The following FOXP1 variants were observed in gnomAD, a reference collection of about 807,000 sequenced individuals.
FOXP1 encodes the protein forkhead box P1, also known as forkhead box protein P1.
A neutral mutation model predicts 98.2 loss-of-function variants in FOXP1; 15 were observed. That is an observed-to-expected ratio of 0.15 (90% CI 0.10 to 0.24). FOXP1 has a LOEUF of 0.24. FOXP1 is among the 10% of genes least tolerant of loss of function. The pLI, the probability that FOXP1 is intolerant of heterozygous loss-of-function variation, is 1.00. For missense variants in FOXP1, 633 were observed against 848.5 expected, an observed-to-expected ratio of 0.75 and a Z score of 3.15; for synonymous variants, 371 against 314.5, an observed-to-expected ratio of 1.18 and a Z score of -1.90.
At chr3:71,258,101 G>C (rs1345646348) in intron 5 of FOXP1, among the ~76,000 whole-genome samples, 2 of 152,124 alleles carry the variant, frequency 1.3e-5, no homozygotes, top group African/African-American at 4.8e-5. Flanking sequence ...AATTAAATAG[G>C]TTCTTACCTT....
At chr3:70,971,724 G>T in intron 18 of FOXP1, 1 of 286,014 alleles carries the variant, frequency 3.5e-6, no homozygotes, top group Non-Finnish European at 6.4e-6. Flanking sequence ...TGGGGAGAGA[G>T]GGGGGATTAT....
chr3:71,573,078 A>G (rs1308156138), intron 2 of FOXP1, among the ~76,000 whole-genome samples: 2 of 152,196 alleles, frequency 1.3e-5, no homozygotes, highest in African/African-American at 4.8e-5. Flanking sequence ...GGATTACCTT[A>G]TATTTAAAGA....
intron 6 of FOXP1, among the ~76,000 whole-genome samples, chr3:71,194,583 T>C (rs957693172): frequency 7.9e-5 from 3 of 37,750 alleles, no homozygotes; most frequent in African/African-American, 3.3e-4. Context: ...TTTAAAATCC[T>C]TTCTTTAAGG....
intron 6 of FOXP1, among the ~76,000 whole-genome samples, chr3:71,153,177 G>A (rs957689799): frequency 2.6e-5 from 4 of 152,216 alleles, no homozygotes; most frequent in East Asian, 1.9e-4. Context: ...TGGTGAAGGC[G>A]CCTCCCACAC....
At chr3:71,571,836 C>T (rs948217427) in intron 2 of FOXP1, 3 of 152,178 alleles carry the variant, frequency 2.0e-5, no homozygotes, top group Non-Finnish European at 4.4e-5. Flanking sequence ...CTCGCATCAT[C>T]GATTCTTTTG....
chr3:71,310,974 C>T (rs753212642), intron 4 of FOXP1, among the ~76,000 whole-genome samples: 1 of 152,190 alleles, frequency 6.6e-6, no homozygotes, highest in Non-Finnish European at 1.5e-5. Context: ...GTTTAGGCAA[C>T]AGATAAGTCG....
chr3:71,001,597 G>T (rs2042133815), intron 12 of FOXP1, among the ~76,000 whole-genome samples: 1 of 152,120 alleles, frequency 6.6e-6, no homozygotes, highest in Non-Finnish European at 1.5e-5. Flanking sequence ...ATGGTGGGGG[G>T]TGGGGGAGAG....
At chr3:71,113,757 T>TAAAATAAAATAAAAG (rs1237178658) in intron 6 of FOXP1, among the ~76,000 whole-genome samples, 1 of 150,384 alleles carries the variant, frequency 6.6e-6, no homozygotes. Context: ...TAAAATAAAA[T>TAAAATAAAATAAAAG]AAAAGGTCAA....
At chr3:71,384,927 G>T (rs2080454892) in intron 3 of FOXP1, among the ~76,000 whole-genome samples, 1 of 152,056 alleles carries the variant, frequency 6.6e-6, no homozygotes, top group Non-Finnish European at 1.5e-5. Flanking sequence ...TATCTTGAAA[G>T]AAAAAGAAAC....
At chr3:71,463,048 T>C (rs999115530) in intron 3 of FOXP1, among the ~76,000 whole-genome samples, 25 of 152,130 alleles carry the variant, frequency 1.6e-4, no homozygotes, top group Non-Finnish European at 2.1e-4. Context: ...CTCTCTGTGA[T>C]TGTCATTCTC....
At chr3:71,284,894 T>G (rs2071946849) in intron 5 of FOXP1, among the ~76,000 whole-genome samples, 1 of 152,180 alleles carries the variant, frequency 6.6e-6, no homozygotes, top group South Asian at 2.1e-4. Flanking sequence ...TCTAAATTAC[T>G]TTTATTTTTG....
chr3:71,454,918 C>A (rs961621649), intron 3 of FOXP1, among the ~76,000 whole-genome samples: 2 of 152,154 alleles, frequency 1.3e-5, no homozygotes, highest in African/African-American at 4.8e-5. Context: ...TGAGCAACTT[C>A]AAATGTGCAT....
chr3:71,416,255 G>C (rs554397603), intron 3 of FOXP1, among the ~76,000 whole-genome samples: 1 of 152,204 alleles, frequency 6.6e-6, no homozygotes, highest in East Asian at 1.9e-4. Context: ...ATGGTCAGGG[G>C]CTGGGCACAG....
intron 5 of FOXP1, among the ~76,000 whole-genome samples, chr3:71,221,224 C>T (rs2065355760): frequency 1.3e-5 from 2 of 152,170 alleles, no homozygotes. Context: ...TGAGAGGGAT[C>T]TAGGTTGCTT....
intron 3 of FOXP1, among the ~76,000 whole-genome samples, chr3:71,485,061 G>A (rs2090549615): frequency 6.6e-6 from 1 of 152,092 alleles, no homozygotes; most frequent in Admixed American, 6.6e-5. Context: ...AATTACTCCT[G>A]GACAAAATGG....
chr3:71,060,893 G>C (rs891752355), intron 7 of FOXP1, among the ~76,000 whole-genome samples: 1 of 152,110 alleles, frequency 6.6e-6, no homozygotes, highest in Non-Finnish European at 1.5e-5. Context: ...AACCGGATTT[G>C]AAAATGAGGC....
At chr3:71,036,313 ATAGAG>A (rs2047578590) in intron 11 of FOXP1, among the ~76,000 whole-genome samples, 1 of 152,208 alleles carries the variant, frequency 6.6e-6, no homozygotes, top group African/African-American at 2.4e-5. Context: ...GTTAAACCTC[ATAGAG>A]TAAAGCGCCC....
chr3:71,322,151 T>G (rs888921778), intron 4 of FOXP1, among the ~76,000 whole-genome samples: 3 of 152,224 alleles, frequency 2.0e-5, no homozygotes, highest in East Asian at 1.9e-4. Flanking sequence ...TTAGCAGACT[T>G]TAGGGAACAC....
chr3:71,422,096 T>G (rs905062268), intron 3 of FOXP1, among the ~76,000 whole-genome samples: 1 of 152,210 alleles, frequency 6.6e-6, no homozygotes, highest in African/African-American at 2.4e-5. Flanking sequence ...ATCTTAATGG[T>G]GTGATGTGGA....
Sources: allele counts gnomAD v4.1 joint callset (sites outside exome capture counted in the v4.1 genomes callset), GRCh38; gene constraint gnomAD v4.1.1; transcripts MANE v1.5; gene names NCBI Gene and HGNC (gene_info 2026-07-23, HGNC 2026-07-21).